KIF14: variants seen among roughly 807,000 people sequenced by gnomAD.
The protein encoded by KIF14 is kinesin family member 14.
In KIF14, 98 loss-of-function variants were observed where a neutral mutation model predicts 176.2. That is an observed-to-expected ratio of 0.56 (90% CI 0.47 to 0.66). The LOEUF is 0.66. KIF14 is among the 30% of genes least tolerant of loss of function. The pLI is 0.00. For synonymous variants in KIF14, 566 were observed against 632.2 expected (o/e 0.90, Z 1.57); for missense variants, 1,751 against 1,920.4 (o/e 0.91, Z 1.65).
chr1:200,602,477 C>A (rs994061367), intron 10 of KIF14, among the ~76,000 whole-genome samples: 3 of 152,090 alleles, frequency 2.0e-5, no homozygotes, highest in Admixed American at 1.3e-4. Context: ...AAAGCAAAAT[C>A]TTTATTTTAG....
At chr1:200,584,768 C>G (rs1220822961) in intron 19 of KIF14, among the ~76,000 whole-genome samples, 2 of 152,182 alleles carry the variant, frequency 1.3e-5, no homozygotes, top group Non-Finnish European at 2.9e-5. Flanking sequence ...TAGCTGAAAG[C>G]TTTTCCTTTA....
At chr1:200,619,503 C>A (rs1459155842) in intron 1 of KIF14, among the ~76,000 whole-genome samples, 1 of 152,126 alleles carries the variant, frequency 6.6e-6, no homozygotes, top group Non-Finnish European at 1.5e-5. Flanking sequence ...CAGGCGCCCA[C>A]CACCATGCCC....
At chr1:200,562,923 A>G (rs1419054208) in intron 25 of KIF14, among the ~76,000 whole-genome samples, 2 of 152,178 alleles carry the variant, frequency 1.3e-5, no homozygotes, top group Non-Finnish European at 2.9e-5. Flanking sequence ...GAAAAAAGAC[A>G]CCCACTGTCC....
Position 200,614,355 on chromosome 1 carries a change from TC to T in KIF14, c.1417del (p.Asp473IlefsTer6). 2 of 1,609,616 alleles carry T rather than the reference TC, an allele frequency of 1.2e-6. No individual in the cohort carries two copies. Among genetic ancestry groups the T allele is most frequent in the Non-Finnish European group, 1.7e-6 (2 of 1,176,374 alleles). ...EPGIIPRFCEDLFSQVARKQT... is the reference protein window; with the variant it reads ...EPGIIPRFCEXLFSQVARKQT... ...TTTTCTGGCTACTTGAGAAAAAAGA[TC>T]TTCACAAAATCTTGGAATTATTCCT... On this transcript the variant is annotated frameshift_variant, in exon 4 of 30. Transcript: ENST00000367350. LOFTEE classifies it high-confidence loss of function.
chr1:200,608,739 C>T (rs992750209), intron 5 of KIF14, 91 bp downstream of exon 5: 2 of 723,936 alleles, frequency 2.8e-6, no homozygotes, highest in African/African-American at 3.6e-5. Flanking sequence ...TCTAGTAAAA[C>T]TTTAAGCTAT....
intron 26 of KIF14, among the ~76,000 whole-genome samples, chr1:200,560,217 T>G (rs892926862): frequency 6.6e-6 from 1 of 152,194 alleles, no homozygotes; most frequent in Non-Finnish European, 1.5e-5. Context: ...ATCTGAAAGG[T>G]AAAATAAGGT....
In KIF14 at chr1:200,606,682, G is replaced by A. The variant is rs116063478; in HGVS notation, c.1607+64C>T. 3.7e-3 allele frequency: 4,917 copies of A among 1,317,486 alleles called. 91 individuals carry two copies. The African/African-American group carries it at 0.042, about 11-fold the overall frequency. 81.6% of individuals were successfully genotyped at this position (1,317,486 alleles called of 1,614,324 possible). A position where few individuals can be genotyped will look rare whatever the true frequency, so the allele number is the denominator to read the frequency against. ...AATGAGAATACAATAAAGATTATGG[G>A]AGAGTAACATTCACTCTATTCATTT... On this transcript the variant is annotated intron_variant, in intron 6 of 29. Coordinates refer to ENST00000367350, the MANE Select transcript of KIF14 (RefSeq NM_014875.3).
At chr1:200,558,182 T>C (rs1390094493) in intron 27 of KIF14, among the ~76,000 whole-genome samples, 1 of 152,190 alleles carries the variant, frequency 6.6e-6, no homozygotes, top group African/African-American at 2.4e-5. Context: ...TTTCATATTC[T>C]GGGCTCAAGC....
At chr1:200,565,306 C>T in intron 24 of KIF14, 53 bp from the exon 25 acceptor site, 1 of 1,507,270 alleles carries the variant, frequency 6.6e-7, no homozygotes, top group Non-Finnish European at 9.0e-7. Context: ...AATAAAAGAA[C>T]TCATATATGA....
At chr1:200,559,706 T>C (rs2102568775) in intron 26 of KIF14, among the ~76,000 whole-genome samples, 1 of 152,238 alleles carries the variant, frequency 6.6e-6, no homozygotes, top group South Asian at 2.1e-4. Flanking sequence ...TTGCAAAGAA[T>C]GTTTATCATC....
At chr1:200,562,250 T>C (rs1443887673) in intron 25 of KIF14, among the ~76,000 whole-genome samples, 5 of 152,244 alleles carry the variant, frequency 3.3e-5, no homozygotes, top group Admixed American at 3.3e-4. Flanking sequence ...CCTTGATTCC[T>C]TGTATAAGAT....
Position 200,565,155 on chromosome 1 carries a change from G to A in KIF14, c.3985C>T (p.Leu1329=), listed in dbSNP as rs763054897. ...VLMKHWLSDL[L]PCTNIARLED... is the part of the protein sequence containing the mutation. ...AGTCTTGCTATGTTGGTACAAGGCA[G>A]TAAATCACTCAGCCAGTGTTTCATT... The change falls in exon 25 of 30, where the codon CTG becomes TTG. Residue 1329 remains leucine (L), a synonymous_variant. Coordinates refer to ENST00000367350, the MANE Select transcript of KIF14 (RefSeq NM_014875.3). 24 of 1,613,874 alleles carry A rather than the reference G, an allele frequency of 1.5e-5. No homozygotes were observed. Among genetic ancestry groups the A allele is most frequent in the Non-Finnish European group, 1.8e-5 (21 of 1,179,790 alleles).
chr1:200,576,360 C>T (rs1306724005), intron 21 of KIF14, among the ~76,000 whole-genome samples: 2 of 151,776 alleles, frequency 1.3e-5, no homozygotes, highest in Non-Finnish European at 2.9e-5. Flanking sequence ...CGCCTGTAGT[C>T]CCAGCTACTC....
At position 200,570,010 on chromosome 1, in the gene KIF14, A is replaced by G; in HGVS notation, c.3567-5T>C. 6.6e-7 allele frequency: 1 copy of G among 1,518,662 alleles called. No individual in the cohort carries two copies. Among genetic ancestry groups the G allele is most frequent in the Non-Finnish European group, 9.1e-7 (1 of 1,101,966 alleles). 94.1% of individuals were successfully genotyped at this position (1,518,662 alleles called of 1,614,324 possible). On this transcript the variant is annotated splice_polypyrimidine_tract_variant and splice_region_variant and intron_variant, in intron 22 of 29. Transcript: ENST00000367350. ...TTCTTCATCAAACTCCTACTCCTGA[A>G]AAAAGACAAACCATAAGATTAGCAG...
At chr1:200,590,085 A>G (rs747032762) in intron 17 of KIF14, 40 bp downstream of exon 17, 21 of 1,573,814 alleles carry the variant, frequency 1.3e-5, no homozygotes, top group East Asian at 2.2e-5. Context: ...CTTGGGGTAC[A>G]CTGTCGGAAA....
intron 19 of KIF14, among the ~76,000 whole-genome samples, chr1:200,585,106 G>A (rs557910787): frequency 7.8e-4 from 118 of 152,184 alleles, no homozygotes; most frequent in Middle Eastern, 3.4e-3. Context: ...GAAGATGTTG[G>A]TCAAAGGGTA....
intron 4 of KIF14, among the ~76,000 whole-genome samples, chr1:200,613,689 G>A (rs1558092626): frequency 6.6e-6 from 1 of 152,076 alleles, no homozygotes; most frequent in Non-Finnish European, 1.5e-5. Flanking sequence ...TTTAGCAAGT[G>A]TGTACATACA....
At chr1:200,598,827 G>A (rs1659492453) in intron 13 of KIF14, among the ~76,000 whole-genome samples, 1 of 152,134 alleles carries the variant, frequency 6.6e-6, no homozygotes, top group African/African-American at 2.4e-5. Flanking sequence ...CCAAAGTGCT[G>A]GAATTACAGG....
intron 23 of KIF14, among the ~76,000 whole-genome samples, chr1:200,566,120 A>G (rs1406588148): frequency 1.3e-5 from 2 of 152,172 alleles, no homozygotes; most frequent in Admixed American, 1.3e-4. Context: ...TGAAAACACA[A>G]TTCCATTCAC....
Sources: allele counts gnomAD v4.1 joint callset (sites outside exome capture counted in the v4.1 genomes callset), GRCh38; gene constraint gnomAD v4.1.1; transcripts MANE v1.5; gene names NCBI Gene and HGNC (gene_info 2026-07-23, HGNC 2026-07-21).